TMEM161B: variants seen among roughly 807,000 people sequenced by gnomAD.
TMEM161B encodes the protein transmembrane protein 161B.
Under a neutral mutation model 61.8 loss-of-function variants are expected in TMEM161B, and 34 were observed. The ratio of observed to expected loss-of-function variants is 0.55; its 90% CI spans 0.42 to 0.73. TMEM161B has a LOEUF of 0.73. TMEM161B is among the 30% of genes least tolerant of loss of function. The probability of loss-of-function intolerance (pLI) is 0.00; values close to 1 mark genes in which losing one functional copy is unlikely to be tolerated. For missense variants in TMEM161B, 456 were observed against 558.5 expected, an observed-to-expected ratio of 0.82 and a Z score of 1.85; for synonymous variants, 167 against 192.8, an observed-to-expected ratio of 0.87 and a Z score of 1.11.
intron 3 of TMEM161B, among the ~76,000 whole-genome samples, chr5:88,226,904 T>C (rs932854697): frequency 1.3e-5 from 2 of 152,116 alleles, no homozygotes; most frequent in East Asian, 1.9e-4. Flanking sequence ...GGCAGGAGGA[T>C]TGCTTAATCT....
In TMEM161B at chr5:88,206,508, G is replaced by GCAA; in HGVS notation, c.599-10_599-9insTTG. Reference sequence around the variant, plus strand: ...TGAAAAATTTGTAAACCCTGTGGGGGAAAAAAAAAAAAACAACAGATTACT... The same window carrying GCAA: ...TGAAAAATTTGTAAACCCTGTGGGGGCAAAAAAAAAAAAAAACAACAGATTACT... On this transcript the variant is annotated splice_polypyrimidine_tract_variant and intron_variant, in intron 6 of 11. Transcript: ENST00000296595. The GCAA allele has an allele frequency of 7.6e-7, 1 of 1,307,900 alleles. No individual in the cohort carries two copies. Among genetic ancestry groups the GCAA allele is most frequent in the Non-Finnish European group, 1.0e-6 (1 of 962,764 alleles). 81.0% of individuals were successfully genotyped at this position (1,307,900 alleles called of 1,614,324 possible). A position where few individuals can be genotyped will look rare whatever the true frequency, so the allele number is the denominator to read the frequency against.
chr5:88,186,936 A>G (rs2112290128), downstream of TMEM161B, among the ~76,000 whole-genome samples: 1 of 152,146 alleles, frequency 6.6e-6, no homozygotes, highest in East Asian at 1.9e-4. Flanking sequence ...ACAACAAACC[A>G]ATTTTATGGT....
Position 88,203,090 on chromosome 5 carries a change from G to T in TMEM161B, c.801-15C>A, listed in dbSNP as rs1245618047. ...GAAGTAAAGTTCTGAAAGTACGTAAGAAATAAATATAAAAATTCAGAAACA... is the reference window on the plus strand; with the variant it reads ...GAAGTAAAGTTCTGAAAGTACGTAATAAATAAATATAAAAATTCAGAAACA... On this transcript the variant is annotated splice_polypyrimidine_tract_variant and intron_variant, in intron 8 of 11. Coordinates refer to ENST00000296595, the MANE Select transcript of TMEM161B (RefSeq NM_153354.5). The T allele has an allele frequency of 2.7e-6, 4 of 1,471,826 alleles. No homozygotes were observed. Among genetic ancestry groups the T allele is most frequent in the African/African-American group, 2.7e-5 (2 of 72,908 alleles). The allele number at this position is 1,471,826 out of a possible 1,614,324, so 91.2% of individuals were successfully genotyped here.
intron 1 of TMEM161B, among the ~76,000 whole-genome samples, chr5:88,259,806 T>C (rs906187403): frequency 6.6e-6 from 1 of 152,194 alleles, no homozygotes; most frequent in Non-Finnish European, 1.5e-5. Flanking sequence ...AAAAATATCG[T>C]TACTAATTAT....
downstream of TMEM161B, among the ~76,000 whole-genome samples, chr5:88,191,979 A>AAAAG (rs1170885093): frequency 2.4e-5 from 1 of 42,232 alleles, no homozygotes; most frequent in African/African-American, 8.6e-5. Flanking sequence ...AAAAAAAAAA[A>AAAAG]GTGTATATAT....
At chr5:88,216,222 G>A (rs1747801045) in intron 5 of TMEM161B, among the ~76,000 whole-genome samples, 1 of 152,114 alleles carries the variant, frequency 6.6e-6, no homozygotes, top group African/African-American at 2.4e-5. Context: ...CAACAACTTG[G>A]GTGACAGAGT....
At position 88,203,143 on chromosome 5, in the gene TMEM161B, G is replaced by T; in HGVS notation, c.801-68C>A. ...ACGTGCTAATAAACTACAGAAGCTG[G>T]GGTCTTACTAAAATGGAGGTAGGAG... On this transcript the variant is annotated intron_variant, in intron 8 of 11. Coordinates refer to ENST00000296595, the MANE Select transcript of TMEM161B (RefSeq NM_153354.5). 3.2e-6 allele frequency: 3 copies of T among 949,712 alleles called. No homozygotes were observed. In the South Asian group the frequency reaches 4.2e-5, roughly 13 times the overall value. The allele number at this position is 949,712 out of a possible 1,614,324, so 58.8% of individuals were successfully genotyped here.
intron 3 of TMEM161B, among the ~76,000 whole-genome samples, chr5:88,226,212 C>T (rs566509010): frequency 6.6e-6 from 1 of 152,186 alleles, no homozygotes; most frequent in South Asian, 2.1e-4. Context: ...ACAAAGTGCA[C>T]TTCTCCTTGA....
At chr5:88,228,396 T>C (rs1454363229) in intron 3 of TMEM161B, 49 bp downstream of exon 3, 1 of 1,292,912 alleles carries the variant, frequency 7.7e-7, no homozygotes, top group South Asian at 1.3e-5. Flanking sequence ...AATGTATTTA[T>C]ATAAATTGTG....
intron 1 of TMEM161B, among the ~76,000 whole-genome samples, chr5:88,241,603 G>A (rs927104298): frequency 2.0e-5 from 3 of 151,736 alleles, no homozygotes; most frequent in Non-Finnish European, 2.9e-5. Context: ...TTAACTATAC[G>A]AAGTGTGATG....
downstream of TMEM161B, among the ~76,000 whole-genome samples, chr5:88,194,641 T>C (rs1749332814): frequency 1.3e-5 from 2 of 152,084 alleles, no homozygotes; most frequent in South Asian, 2.1e-4. Flanking sequence ...TTTTAAAACA[T>C]GGCTATTTCC....
In TMEM161B at chr5:88,240,830, C is replaced by A; in HGVS notation, c.90G>T (p.Trp30Cys). ...TGCCTTACCTGCCATTACAGAGTAGCCATCGAGCAAGAGAATAGTGAGGTA... is the reference window on the plus strand; with the variant it reads ...TGCCTTACCTGCCATTACAGAGTAGACATCGAGCAAGAGAATAGTGAGGTA... ...KIIPHYSLARWLLCNGSLRWY... is the reference protein window; with the variant it reads ...KIIPHYSLARCLLCNGSLRWY... The change falls in exon 2 of 12, where the codon TGG (tryptophan) becomes TGT (cysteine). Residue 30 changes from tryptophan (W) to cysteine (C), a missense_variant. Physicochemically the swap from Trp to Cys is radical, Grantham distance 215. This residue lies in a region of TMEM161B where 85 missense variants were observed against 111.2 expected (regional missense o/e 0.76). Transcript: ENST00000296595. The A allele has an allele frequency of 1.9e-6, 3 of 1,611,280 alleles. No homozygotes were observed. Among genetic ancestry groups the A allele is most frequent in the South Asian group, 1.1e-5 (1 of 90,974 alleles).
At position 88,268,786 on chromosome 5, in the gene TMEM161B, A is replaced by ACCTC; in HGVS notation, c.-67_-64dup. 1 of 1,612,006 alleles carries ACCTC rather than the reference A, an allele frequency of 6.2e-7. No homozygotes were observed. The highest frequency in any genetic ancestry group is 8.5e-7 in the Non-Finnish European group (1 of 1,179,112). ...TTGCCGGGGCAGTCCCAAACCTCTT[A>ACCTC]CCTCCCGGTCCTTGAGCCGAGAGAC... On this transcript the variant is annotated 5_prime_UTR_variant, in exon 1 of 12. Coordinates refer to ENST00000296595, the MANE Select transcript of TMEM161B (RefSeq NM_153354.5).
At chr5:88,208,336 G>T (rs943761343) in intron 5 of TMEM161B, among the ~76,000 whole-genome samples, 3 of 152,138 alleles carry the variant, frequency 2.0e-5, no homozygotes, top group Non-Finnish European at 2.9e-5. Flanking sequence ...ACAAAAACTA[G>T]CTGGGCATGG....
chr5:88,236,490 A>G (rs1751876247), intron 2 of TMEM161B, among the ~76,000 whole-genome samples: 1 of 152,230 alleles, frequency 6.6e-6, no homozygotes, highest in East Asian at 1.9e-4. Flanking sequence ...AATACAAAGT[A>G]GTGAATACTT....
At chr5:88,224,386 C>CTAAG (rs1207371969) in intron 4 of TMEM161B, among the ~76,000 whole-genome samples, 2 of 152,110 alleles carry the variant, frequency 1.3e-5, no homozygotes, top group African/African-American at 4.8e-5. Flanking sequence ...AAATTGTTAT[C>CTAAG]AACTTAGATG....
intron 1 of TMEM161B, among the ~76,000 whole-genome samples, chr5:88,250,084 C>T (rs1411987966): frequency 1.3e-5 from 2 of 152,160 alleles, no homozygotes; most frequent in South Asian, 2.1e-4. Context: ...CAGCCTAAGA[C>T]TAGACTCATA....
At chr5:88,267,620 A>G (rs1306512642) in intron 1 of TMEM161B, among the ~76,000 whole-genome samples, 2 of 152,144 alleles carry the variant, frequency 1.3e-5, no homozygotes, top group Non-Finnish European at 2.9e-5. Flanking sequence ...GAGCCCCGTG[A>G]TCTTGAAAAA....
exon 13 of TMEM161B, chr5:88,189,662 T>A (rs1309945273): frequency 6.1e-6 from 1 of 163,658 alleles, no homozygotes; most frequent in Non-Finnish European, 1.3e-5. Flanking sequence ...GTGTAATTTT[T>A]CCTAAAGCCT....
Sources: gnomAD v4.1 joint callset for allele counts (sites outside exome capture counted in the v4.1 genomes callset) on GRCh38, gnomAD v4.1.1 for gene constraint, gnomAD v4.1.1 regional missense constraint, MANE v1.5 for transcripts, NCBI Gene and HGNC (gene_info 2026-07-23, HGNC 2026-07-21) for gene names.